PCDHA9: variants seen among roughly 807,000 people sequenced by gnomAD.
PCDHA9 encodes the protein protocadherin alpha 9, also known as protocadherin alpha-9.
A neutral mutation model predicts 62.0 loss-of-function variants in PCDHA9; 62 were observed. That is an observed-to-expected ratio of 1.00 (90% CI 0.81 to 1.23). The LOEUF (loss-of-function observed/expected upper bound fraction) is 1.23, where lower values mean the gene tolerates loss of function less well. PCDHA9 is among the 50% of genes most tolerant of loss of function. The probability of loss-of-function intolerance (pLI) is 0.00; values close to 1 mark genes in which losing one functional copy is unlikely to be tolerated. For synonymous variants in PCDHA9, 557 were observed against 567.6 expected (o/e 0.98, Z 0.27); for missense variants, 1,205 against 1,249.8 (o/e 0.96, Z 0.54).
At chr5:140,872,652 T>C (rs1185435042) in intron 1 of PCDHA9, among the ~76,000 whole-genome samples, 2 of 152,142 alleles carry the variant, frequency 1.3e-5, no homozygotes, top group Non-Finnish European at 2.9e-5. Context: ...AGGCAAGAGA[T>C]TTGTCAACTA....
chr5:140,893,338 T>C (rs1409461265), intron 1 of PCDHA9, among the ~76,000 whole-genome samples: 1 of 152,174 alleles, frequency 6.6e-6, no homozygotes, highest in African/African-American at 2.4e-5. Context: ...TTTTCCTTAG[T>C]GGCAGTGCTA....
chr5:140,849,632 A>G lies in PCDHA9; in HGVS notation c.1137A>G (p.Ala379=), dbSNP rs2150443246. Residue 379 remains alanine, a synonymous_variant, in exon 1 of 4, where the codon GCA becomes GCG. Transcript: ENST00000532602. ...TGATTAGTGTGATCGACCTAGACGCAGATGCCAACGGGCAGGTTACCTGCT... is the reference window on the plus strand; with the variant it reads ...TGATTAGTGTGATCGACCTAGACGCGGATGCCAACGGGCAGGTTACCTGCT... ...IALISVIDLD[A]DANGQVTCSL... is the part of the protein sequence containing the mutation. The G allele has an allele frequency of 2.5e-6, 4 of 1,598,772 alleles. No homozygotes were observed. In the South Asian group the frequency reaches 4.4e-5, roughly 18 times the overall value.
chr5:140,854,692 A>G (rs1554147391), intron 1 of PCDHA9: 1 of 150,100 alleles, frequency 6.7e-6, no homozygotes, highest in African/African-American at 2.4e-5. Flanking sequence ...TCTGTTGTTA[A>G]GTTTTCCTTT....
rs575381539 is a variant in PCDHA9, at chr5:140,952,919, T to TGAGCAG, written c.2395-26018_2395-26013dup. On this transcript the variant is annotated intron_variant, in intron 1 of 3. Coordinates refer to ENST00000532602, the MANE Select transcript of PCDHA9 (RefSeq NM_031857.2). ...GGAATCAAGCTCATCTTACATGGCA[T>TGAGCAG]GAGCAGGAGCAGGAGCAAGAGAGAG... 2.3e-3 allele frequency among the ~76,000 whole-genome samples: 343 copies of TGAGCAG among 152,172 alleles called. 1 individual carries two copies. Among genetic ancestry groups the TGAGCAG allele is most frequent in the African/African-American group, 7.9e-3 (326 of 41,516 alleles).
At position 140,924,017 on chromosome 5, in the gene PCDHA9, T is replaced by C. The variant is rs2081624736; in HGVS notation, c.2395-54932T>C. Among the ~76,000 whole-genome samples, 3 of 152,218 alleles carry C rather than the reference T, an allele frequency of 2.0e-5. No individual in the cohort carries two copies. In the South Asian group the frequency reaches 6.2e-4, roughly 32 times the overall value. On this transcript the variant is annotated intron_variant, in intron 1 of 3. Transcript: ENST00000532602. ...CTCAGAATTCCTAAACCTGGTATAA[T>C]TGGAGGCATGGCTGCAGACCTAAAA...
intron 1 of PCDHA9, chr5:140,968,753 C>G: frequency 1.2e-6 from 2 of 1,614,022 alleles, no homozygotes; most frequent in Non-Finnish European, 1.7e-6. Flanking sequence ...CGTGGTGGTC[C>G]GAGATAATGG....
Position 140,856,181 on chromosome 5 carries a change from G to A in PCDHA9, c.2394+5292G>A, listed in dbSNP as rs781803033. 3.8e-6 allele frequency: 6 copies of A among 1,598,228 alleles called. No individual in the cohort carries two copies. In the East Asian group the frequency reaches 1.3e-4, roughly 36 times the overall value. ...GGAGGCCAGACACGGCACCTTCGTG[G>A]GCCGCATCGCGCAGGACCTGGGGCT... On this transcript the variant is annotated intron_variant, in intron 1 of 3. Transcript: ENST00000532602.
chr5:140,897,104 C>A (rs1474457154), intron 1 of PCDHA9, among the ~76,000 whole-genome samples: 1 of 152,116 alleles, frequency 6.6e-6, no homozygotes, highest in Non-Finnish European at 1.5e-5. Flanking sequence ...TTAAAAATCT[C>A]CACTTTCTGT....
chr5:140,917,323 G>C (rs1363512198), intron 1 of PCDHA9, among the ~76,000 whole-genome samples: 1 of 147,758 alleles, frequency 6.8e-6, no homozygotes, highest in African/African-American at 2.5e-5. Context: ...TGTTCATGTG[G>C]CGGGGGAGGG....
chr5:140,881,350 T>C, intron 1 of PCDHA9: 1 of 985,354 alleles, frequency 1.0e-6, no homozygotes, highest in Non-Finnish European at 1.2e-6. Flanking sequence ...CGGGCTACAA[T>C]GCGTGGCTTT....
At chr5:140,951,448 G>A (rs892144078) in intron 1 of PCDHA9, among the ~76,000 whole-genome samples, 74 of 152,022 alleles carry the variant, frequency 4.9e-4, no homozygotes, top group African/African-American at 1.7e-3. Context: ...GCATGATGCC[G>A]GCCATCTGCT....
Position 140,849,631 on chromosome 5 carries a change from C to T in PCDHA9, c.1136C>T (p.Ala379Val), listed in dbSNP as rs1420116436. 2 of 1,598,614 alleles carry T rather than the reference C, an allele frequency of 1.3e-6. No homozygotes were observed. Among genetic ancestry groups the T allele is most frequent in the Admixed American group, 1.7e-5 (1 of 59,284 alleles). Residue 379 changes from alanine to valine, a missense_variant, in exon 1 of 4, where the codon GCA (alanine) becomes GTA (valine). Physicochemically the swap from Ala to Val is moderately conservative, Grantham distance 64. This residue lies in a region of PCDHA9 where 887 missense variants were observed against 809.5 expected (regional missense o/e 1.10). Transcript: ENST00000532602. ...IALISVIDLDADANGQVTCSL... is the reference protein window; with the variant it reads ...IALISVIDLDVDANGQVTCSL... ...CTGATTAGTGTGATCGACCTAGACG[C>T]AGATGCCAACGGGCAGGTTACCTGC...
intron 1 of PCDHA9, among the ~76,000 whole-genome samples, chr5:140,939,071 G>C (rs1376380334): frequency 2.0e-5 from 3 of 152,140 alleles, no homozygotes; most frequent in African/African-American, 7.2e-5. Context: ...TATCAAAATA[G>C]CATAAACTGG....
intron 1 of PCDHA9, among the ~76,000 whole-genome samples, chr5:140,955,135 G>A (rs114298661): frequency 0.017 from 2,539 of 152,204 alleles, 31 homozygotes; most frequent in Middle Eastern, 0.034. Flanking sequence ...TGGTCTACAC[G>A]TCTGTTTTTG....
chr5:140,898,423 C>T (rs1257208141), intron 1 of PCDHA9, among the ~76,000 whole-genome samples: 1 of 152,106 alleles, frequency 6.6e-6, no homozygotes, highest in African/African-American at 2.4e-5. Flanking sequence ...GCCAGTTTTC[C>T]CAGCACCATT....
At chr5:140,895,437 C>A (rs1250254286) in intron 1 of PCDHA9, among the ~76,000 whole-genome samples, 3 of 152,172 alleles carry the variant, frequency 2.0e-5, no homozygotes, top group Non-Finnish European at 2.9e-5. Context: ...TCCTGAGACT[C>A]TTTTCATGTG....
chr5:140,848,661 C>G lies in PCDHA9; in HGVS notation c.166C>G (p.Leu56Val). The change falls in exon 1 of 4, where the codon CTG becomes GTG. Residue 56 changes from leucine to valine, a missense_variant. Physicochemically the swap from Leu to Val is conservative, Grantham distance 32. This residue lies in a region of PCDHA9 where 208 missense variants were observed against 213.2 expected (regional missense o/e 0.98). Transcript: ENST00000532602. ...GRIAQDLGLE[L>V]AELVPRLFQL... ...CATCGCGCAGGACCTGGGGCTGGAG[C>G]TGGCGGAGCTGGTGCCGCGCCTGTT... 1 of 1,592,380 alleles carries G rather than the reference C, an allele frequency of 6.3e-7. No homozygotes were observed. Among genetic ancestry groups the G allele is most frequent in the African/African-American group, 1.3e-5 (1 of 74,452 alleles).
chr5:140,879,184 T>C (rs1368886985), intron 1 of PCDHA9, among the ~76,000 whole-genome samples: 1 of 152,136 alleles, frequency 6.6e-6, no homozygotes, highest in Admixed American at 6.5e-5. Flanking sequence ...TATCAAGTAA[T>C]GGAGACTTAA....
intron 3 of PCDHA9, among the ~76,000 whole-genome samples, chr5:141,002,792 A>G (rs576285489): frequency 6.6e-6 from 1 of 152,306 alleles, no homozygotes; most frequent in South Asian, 2.1e-4. Context: ...CATTTTATGG[A>G]TGAGGAAACT....
Sources: gnomAD v4.1 joint callset for allele counts (sites outside exome capture counted in the v4.1 genomes callset) on GRCh38, gnomAD v4.1.1 for gene constraint, gnomAD v4.1.1 regional missense constraint, MANE v1.5 for transcripts, NCBI Gene and HGNC (gene_info 2026-07-23, HGNC 2026-07-21) for gene names.